Variants in TMEM108 observed in about 807,000 individuals in gnomAD.
The protein encoded by TMEM108 is transmembrane protein 108, also known as cancer/testis antigen 124.
In TMEM108, 12 loss-of-function variants were observed where a neutral mutation model predicts 35.1. The observed-to-expected ratio is 0.34, with a 90% CI of 0.22 to 0.55. The LOEUF (loss-of-function observed/expected upper bound fraction) is 0.55, where lower values mean the gene tolerates loss of function less well. TMEM108 is among the 20% of genes least tolerant of loss of function. The pLI, the probability that TMEM108 is intolerant of heterozygous loss-of-function variation, is 0.89. For missense variants in TMEM108, 680 were observed against 753.3 expected (o/e 0.90, Z 1.14); for synonymous variants, 287 against 308.6 (o/e 0.93, Z 0.73).
At chr3:133,259,275 G>A (rs953445167) in intron 3 of TMEM108, among the ~76,000 whole-genome samples, 5 of 152,100 alleles carry the variant, frequency 3.3e-5, no homozygotes, top group Non-Finnish European at 5.9e-5. Context: ...TTTGATGACC[G>A]AAGAAGGGTT....
intron 4 of TMEM108, chr3:133,386,952 G>C: frequency 1.9e-5 from 18 of 934,156 alleles, no homozygotes; most frequent in Non-Finnish European, 2.2e-5. Flanking sequence ...GTTATCATGT[G>C]GGCTAAATAA....
chr3:133,364,035 A>G (rs545464247), intron 3 of TMEM108, among the ~76,000 whole-genome samples: 10 of 152,348 alleles, frequency 6.6e-5, no homozygotes, highest in African/African-American at 1.9e-4. Context: ...ACTGTGTACC[A>G]GACAGTGGTA....
At chr3:133,224,907 C>G (rs982414768) in intron 2 of TMEM108, among the ~76,000 whole-genome samples, 4 of 152,096 alleles carry the variant, frequency 2.6e-5, no homozygotes, top group African/African-American at 9.7e-5. Flanking sequence ...ATCCTTAGGT[C>G]CCACCTGCTA....
intron 3 of TMEM108, chr3:133,248,382 A>G (rs1946417115): frequency 6.6e-6 from 1 of 152,224 alleles, no homozygotes; most frequent in Non-Finnish European, 1.5e-5. Flanking sequence ...TCTTACTCCA[A>G]GTCCAGTATA....
rs114280794 is a variant in TMEM108 at position 133,123,359 on chromosome 3, G to A, written c.-47+77339G>A. On this transcript the variant is annotated intron_variant, in intron 2 of 5. Coordinates refer to ENST00000321871, the MANE Select transcript of TMEM108 (RefSeq NM_023943.4). ...ATTTGTAGGATACATTCAAGGCAAG[G>A]GAATTACTGGTAAAAGAGGGTGTCC... 6.1e-3 allele frequency among the ~76,000 whole-genome samples: 934 copies of A among 152,246 alleles called. 9 individuals are homozygous for A. The highest frequency in any genetic ancestry group is 9.4e-3 in the Non-Finnish European group (640 of 68,014).
intron 1 of TMEM108, among the ~76,000 whole-genome samples, chr3:133,043,305 C>T (rs1056582581): frequency 2.6e-5 from 4 of 152,036 alleles, no homozygotes; most frequent in Admixed American, 2.0e-4. Context: ...AGGTCTGTGG[C>T]ACACACACAC....
chr3:133,343,496 G>A (rs1355508316), intron 3 of TMEM108, among the ~76,000 whole-genome samples: 1 of 151,914 alleles, frequency 6.6e-6, no homozygotes, highest in Non-Finnish European at 1.5e-5. Flanking sequence ...AGGTGAATGA[G>A]TAAACAAACT....
intron 3 of TMEM108, among the ~76,000 whole-genome samples, chr3:133,267,192 A>G (rs1457769300): frequency 2.0e-5 from 3 of 152,162 alleles, no homozygotes; most frequent in African/African-American, 7.2e-5. Context: ...GTGAGTGCCT[A>G]CTATGTACCA....
At chr3:133,392,496 T>C (rs972975258) in intron 5 of TMEM108, among the ~76,000 whole-genome samples, 7 of 152,142 alleles carry the variant, frequency 4.6e-5, no homozygotes, top group African/African-American at 1.7e-4. Flanking sequence ...TCCCATGACT[T>C]AAATACCATC....
chr3:133,202,109 T>A (rs913670238), intron 2 of TMEM108, among the ~76,000 whole-genome samples: 3 of 152,218 alleles, frequency 2.0e-5, no homozygotes, highest in African/African-American at 7.2e-5. Context: ...TTTTGATAAG[T>A]TTCTGTTCAT....
chr3:133,347,193 G>A (rs1461084500), intron 3 of TMEM108, among the ~76,000 whole-genome samples: 1 of 151,974 alleles, frequency 6.6e-6, no homozygotes, highest in Non-Finnish European at 1.5e-5. Context: ...GATTTTTATT[G>A]AGATTTTGTT....
rs1005845175 is a variant in TMEM108 at position 133,090,318 on chromosome 3, G to A, written c.-47+44298G>A. Reference sequence around the variant, plus strand: ...TTCTTGAACTCTCTGGCATTTCAAGGCAGTGATGTCATTCTTATTGCTTGA... The same window carrying A: ...TTCTTGAACTCTCTGGCATTTCAAGACAGTGATGTCATTCTTATTGCTTGA... On this transcript the variant is annotated intron_variant, in intron 2 of 5. Coordinates refer to ENST00000321871, the MANE Select transcript of TMEM108 (RefSeq NM_023943.4). 3.3e-5 allele frequency among the ~76,000 whole-genome samples: 5 copies of A among 152,192 alleles called. No homozygotes were observed. The South Asian group carries it at 6.2e-4, about 19-fold the overall frequency.
intron 2 of TMEM108, among the ~76,000 whole-genome samples, chr3:133,135,116 CATT>C (rs2107748914): frequency 6.6e-6 from 1 of 151,156 alleles, no homozygotes; most frequent in African/African-American, 2.4e-5. Context: ...TATCTTCTCT[CATT>C]GTTACTTTCT....
At chr3:133,219,286 G>A (rs4854701) in intron 2 of TMEM108, among the ~76,000 whole-genome samples, 118,443 of 151,862 alleles carry the variant, frequency 0.78, 46,531 homozygotes, top group East Asian at 0.95. Context: ...CTAAAAGTTT[G>A]TTGATTACCA....
intron 2 of TMEM108, among the ~76,000 whole-genome samples, chr3:133,077,752 C>G (rs981822661): frequency 2.0e-5 from 3 of 152,128 alleles, no homozygotes; most frequent in African/African-American, 7.2e-5. Context: ...GGCTAGCTTC[C>G]TCTGCCTGCT....
chr3:133,378,279 G>C (rs143460479), intron 3 of TMEM108: 15,138 of 942,864 alleles, frequency 0.016, 129 homozygotes, highest in South Asian at 0.019. Flanking sequence ...ACCAAACGGT[G>C]ATCCTGGGCC....
intron 2 of TMEM108, among the ~76,000 whole-genome samples, chr3:133,133,833 G>C (rs181956844): frequency 0.011 from 1,689 of 151,768 alleles, 22 homozygotes; most frequent in Middle Eastern, 0.078. Context: ...GCGCGATCTC[G>C]GCTCACTGCA....
At chr3:133,210,844 A>AT (rs1167523485) in intron 2 of TMEM108, among the ~76,000 whole-genome samples, 1 of 152,112 alleles carries the variant, frequency 6.6e-6, no homozygotes, top group Non-Finnish European at 1.5e-5. Flanking sequence ...TTTCACTGTA[A>AT]TTTTTATTCC....
Position 133,305,013 on chromosome 3 carries a change from G to A in TMEM108, c.41-74739G>A, listed in dbSNP as rs1477036445. ...CAGGAGAATCGCTTGAGCCTGGGAG[G>A]CAGAGATTACGGTAAGCCAAGATCG... On this transcript the variant is annotated intron_variant, in intron 3 of 5. Transcript: ENST00000321871. Among the ~76,000 whole-genome samples the A allele has an allele frequency of 5.9e-5, 9 of 152,192 alleles. No homozygotes were observed. The Middle Eastern group carries it at 0.017, about 288-fold the overall frequency.
Sources: gnomAD v4.1 joint callset for allele counts (sites outside exome capture counted in the v4.1 genomes callset) on GRCh38, gnomAD v4.1.1 for gene constraint, MANE v1.5 for transcripts, NCBI Gene and HGNC (gene_info 2026-07-23, HGNC 2026-07-21) for gene names.